Variants in ALCAM observed in about 807,000 individuals in gnomAD.
ALCAM encodes CD166 antigen.
Under a neutral mutation model 70.9 loss-of-function variants are expected in ALCAM, and 30 were observed. The ratio of observed to expected loss-of-function variants is 0.42; its 90% CI spans 0.32 to 0.57. ALCAM has a LOEUF of 0.57. Among genes scored for constraint, ALCAM ranks in the 20% least tolerant of loss-of-function variants. ALCAM has a pLI of 0.11. For missense variants in ALCAM, 591 were observed against 695.1 expected, an observed-to-expected ratio of 0.85 and a Z score of 1.68; for synonymous variants, 249 against 242.5, an observed-to-expected ratio of 1.03 and a Z score of -0.25.
chr3:105,537,137 C>T (rs1376583207), intron 6 of ALCAM, among the ~76,000 whole-genome samples: 1 of 129,600 alleles, frequency 7.7e-6, no homozygotes, highest in Non-Finnish European at 1.7e-5. Flanking sequence ...GAAAAATGCA[C>T]CAGTCCACTC....
At chr3:105,406,820 AG>A (rs1199122134) in intron 1 of ALCAM, among the ~76,000 whole-genome samples, 1 of 152,178 alleles carries the variant, frequency 6.6e-6, no homozygotes, top group Non-Finnish European at 1.5e-5. Flanking sequence ...AGATTAACCA[AG>A]AAAAGGAGAC....
rs145523426 is a variant in ALCAM, at chr3:105,575,537, T to A, written c.*1086T>A. ...CTTGAGATAATTTAGTGTTTTTAAC[T>A]GATACATAATTTATCAAGCAGTACA... On this transcript the variant is annotated 3_prime_UTR_variant, in exon 16 of 16. Coordinates refer to ENST00000306107, the MANE Select transcript of ALCAM (RefSeq NM_001627.4). 9 of 152,720 alleles carry A rather than the reference T, an allele frequency of 5.9e-5. No individual in the cohort carries two copies. The highest frequency in any genetic ancestry group is 2.2e-4 in the African/African-American group (9 of 41,570). The allele number at this position is 152,720 out of a possible 1,614,324, so 9.5% of individuals were successfully genotyped here.
intron 1 of ALCAM, among the ~76,000 whole-genome samples, chr3:105,457,270 T>C (rs1317022760): frequency 6.6e-6 from 1 of 152,190 alleles, no homozygotes; most frequent in Non-Finnish European, 1.5e-5. Flanking sequence ...ATGGTGTATA[T>C]GTACTACATT....
At chr3:105,412,698 A>G in intron 1 of ALCAM, among the ~76,000 whole-genome samples, 1 of 152,122 alleles carries the variant, frequency 6.6e-6, no homozygotes, top group East Asian at 1.9e-4. Flanking sequence ...CAACATGAGG[A>G]GAAAGCAAAT....
At chr3:105,470,329 G>A (rs1358685247) in intron 1 of ALCAM, among the ~76,000 whole-genome samples, 1 of 150,002 alleles carries the variant, frequency 6.7e-6, no homozygotes, top group Non-Finnish European at 1.5e-5. Flanking sequence ...ATGAGAAAGA[G>A]TTTATGCATT....
rs1163804200 is a variant in ALCAM at position 105,419,581 on chromosome 3, G to T, written c.73+52100G>T. ...TTCAACAGTCATTTTGACAGGGAAAGTCCAGGGACAAAGAAGGAAAATGAA... is the reference window on the plus strand; with the variant it reads ...TTCAACAGTCATTTTGACAGGGAAATTCCAGGGACAAAGAAGGAAAATGAA... On this transcript the variant is annotated intron_variant, in intron 1 of 15. Coordinates refer to ENST00000306107, the MANE Select transcript of ALCAM (RefSeq NM_001627.4). Among the ~76,000 whole-genome samples, 3 of 151,732 alleles carry T rather than the reference G, an allele frequency of 2.0e-5. 1 individual carries two copies. The highest frequency in any genetic ancestry group is 1.5e-5 in the Non-Finnish European group (1 of 67,792).
At chr3:105,458,470 C>T (rs1243175705) in intron 1 of ALCAM, among the ~76,000 whole-genome samples, 1 of 152,110 alleles carries the variant, frequency 6.6e-6, no homozygotes, top group East Asian at 1.9e-4. Context: ...ATAAAGGCTG[C>T]TCTAATTGGA....
intron 1 of ALCAM, among the ~76,000 whole-genome samples, chr3:105,407,553 C>T (rs768936323): frequency 6.6e-6 from 1 of 151,994 alleles, no homozygotes; most frequent in African/African-American, 2.4e-5. Context: ...GCAAAATTGG[C>T]AGAGAAGGGA....
At position 105,507,342 on chromosome 3, in the gene ALCAM, C is replaced by A. The variant is rs533404723; in HGVS notation, c.74-12725C>A. On this transcript the variant is annotated intron_variant, in intron 1 of 15. Transcript: ENST00000306107. ...GTGTTGTACATTTTATGGGTTTCGACAAACACTTAATAATGTTTATTCATT... is the reference window on the plus strand; with the variant it reads ...GTGTTGTACATTTTATGGGTTTCGAAAAACACTTAATAATGTTTATTCATT... 5.3e-5 allele frequency among the ~76,000 whole-genome samples: 8 copies of A among 152,284 alleles called. No individual in the cohort carries two copies. The South Asian group carries it at 1.7e-3, about 32-fold the overall frequency.
intron 1 of ALCAM, among the ~76,000 whole-genome samples, chr3:105,439,124 T>C (rs1364462327): frequency 6.6e-6 from 1 of 152,080 alleles, no homozygotes; most frequent in Non-Finnish European, 1.5e-5. Context: ...TAGTTGCTAG[T>C]AGCTAGGGTA....
At chr3:105,518,094 A>G (rs1234195073) in intron 1 of ALCAM, among the ~76,000 whole-genome samples, 21 of 151,204 alleles carry the variant, frequency 1.4e-4, no homozygotes, top group Admixed American at 1.3e-3. Context: ...AGGGCAAAGC[A>G]TTAAATTCTT....
intron 3 of ALCAM, 57 bp downstream of exon 3, chr3:105,524,565 A>G (rs1467492209): frequency 1.2e-6 from 2 of 1,602,380 alleles, no homozygotes; most frequent in African/African-American, 1.3e-5. Flanking sequence ...GTACCAGACC[A>G]TGTTCTTTAG....
chr3:105,459,416 A>G (rs975864127), intron 1 of ALCAM, among the ~76,000 whole-genome samples: 3 of 152,018 alleles, frequency 2.0e-5, no homozygotes, highest in Non-Finnish European at 2.9e-5. Context: ...TTGGGAAGAC[A>G]GGGGTATTAT....
rs367554634 is a variant in ALCAM at position 105,367,494 on chromosome 3, C to T, written c.73+13C>T. The T allele has an allele frequency of 3.1e-6, 5 of 1,614,016 alleles. 1 individual carries two copies. Among genetic ancestry groups the T allele is most frequent in the South Asian group, 2.2e-5 (2 of 91,086 alleles). On this transcript the variant is annotated intron_variant, in intron 1 of 15. Transcript: ENST00000306107. ...GTCTTCAGGCCAGGTGAGCAAGGGC[C>T]TGGGAGCAGCCCCAGACAGACGTGG... is the stretch of plus-strand genomic sequence containing the variant.
At chr3:105,450,072 C>G (rs1937391140) in intron 1 of ALCAM, among the ~76,000 whole-genome samples, 1 of 152,090 alleles carries the variant, frequency 6.6e-6, no homozygotes, top group African/African-American at 2.4e-5. Context: ...TTTCTGGGCA[C>G]TGTTTCTTCC....
chr3:105,568,073 T>TTA (rs1940785134), intron 14 of ALCAM, among the ~76,000 whole-genome samples: 1 of 148,172 alleles, frequency 6.7e-6, no homozygotes. Context: ...ATTTTTTTTT[T>TTA]TTTTTGAGAT....
intron 1 of ALCAM, among the ~76,000 whole-genome samples, chr3:105,471,921 C>A (rs773146299): frequency 2.6e-5 from 4 of 151,304 alleles, no homozygotes; most frequent in African/African-American, 4.8e-5. Context: ...AGTATGTATT[C>A]TTTGACCAGC....
At chr3:105,535,756 CTTA>C (rs1438128066) in intron 6 of ALCAM, among the ~76,000 whole-genome samples, 1 of 151,884 alleles carries the variant, frequency 6.6e-6, no homozygotes, top group South Asian at 2.1e-4. Flanking sequence ...GGATTTTCTT[CTTA>C]TTATTAATTT....
At chr3:105,535,731 G>A (rs1241958918) in intron 6 of ALCAM, among the ~76,000 whole-genome samples, 1 of 146,570 alleles carries the variant, frequency 6.8e-6, no homozygotes, top group Non-Finnish European at 1.5e-5. Context: ...ATATTTGGGG[G>A]GAAAATGCAA....
Sources: allele counts gnomAD v4.1 joint callset (sites outside exome capture counted in the v4.1 genomes callset), GRCh38; gene constraint gnomAD v4.1.1; transcripts MANE v1.5; gene names NCBI Gene and HGNC (gene_info 2026-07-23, HGNC 2026-07-21).